STXBP5L: variants seen among roughly 807,000 people sequenced by gnomAD.
The protein encoded by STXBP5L is syntaxin binding protein 5L.
A neutral mutation model predicts 144.5 loss-of-function variants in STXBP5L; 65 were observed. The observed-to-expected ratio is 0.45, with a 90% CI of 0.37 to 0.55. The LOEUF is 0.55. Among genes scored for constraint, STXBP5L ranks in the 20% least tolerant of loss-of-function variants. The pLI is 0.00. For missense variants in STXBP5L, 1,298 were observed against 1,405.5 expected (o/e 0.92, Z 1.22); for synonymous variants, 505 against 469.6 (o/e 1.08, Z -0.97).
intron 3 of STXBP5L, among the ~76,000 whole-genome samples, chr3:120,985,750 A>G (rs1942229933): frequency 6.6e-6 from 1 of 151,930 alleles, no homozygotes. Flanking sequence ...TTATTTCTGT[A>G]TAATGAGTAG....
chr3:121,263,509 A>G (rs1192506560), intron 18 of STXBP5L, among the ~76,000 whole-genome samples: 1 of 152,172 alleles, frequency 6.6e-6, no homozygotes, highest in Non-Finnish European at 1.5e-5. Flanking sequence ...AAGGCAGGTA[A>G]TAACAAACTC....
At chr3:120,969,085 A>AT (rs1939937383) in intron 3 of STXBP5L, among the ~76,000 whole-genome samples, 1 of 151,964 alleles carries the variant, frequency 6.6e-6, no homozygotes, top group Admixed American at 6.6e-5. Context: ...TCAAATGGTA[A>AT]TTTTACTTGT....
intron 5 of STXBP5L, among the ~76,000 whole-genome samples, chr3:121,091,772 T>C (rs1036945844): frequency 1.3e-5 from 2 of 152,206 alleles, no homozygotes; most frequent in Non-Finnish European, 2.9e-5. Context: ...AGAAGCTCTT[T>C]AGTTTAATTA....
intron 5 of STXBP5L, among the ~76,000 whole-genome samples, chr3:121,051,729 C>A (rs1948015512): frequency 6.6e-6 from 1 of 152,020 alleles, no homozygotes. Flanking sequence ...CAAGAAATAA[C>A]TAAAATCAGA....
intron 16 of STXBP5L, among the ~76,000 whole-genome samples, chr3:121,256,366 A>G (rs1394576753): frequency 3.9e-5 from 6 of 152,010 alleles, no homozygotes; most frequent in Non-Finnish European, 8.8e-5. Context: ...AAAAATGCTC[A>G]TTTTTACATT....
At position 121,062,857 on chromosome 3, in the gene STXBP5L, A is replaced by G. The variant is rs191368185; in HGVS notation, c.470+17322A>G. 1.5e-4 allele frequency among the ~76,000 whole-genome samples: 23 copies of G among 152,302 alleles called. No individual in the cohort carries two copies. The East Asian group carries it at 3.7e-3, about 24-fold the overall frequency. ...TCATTCAGTGTTTTTCAGCTCCATC[A>G]GGTCATTTATGTTCTTCTCTAAATT... On this transcript the variant is annotated intron_variant, in intron 5 of 26. Transcript: ENST00000471454.
At chr3:121,068,296 G>A (rs532361224) in intron 5 of STXBP5L, among the ~76,000 whole-genome samples, 11 of 152,328 alleles carry the variant, frequency 7.2e-5, no homozygotes, top group Non-Finnish European at 1.0e-4. Context: ...GTGAGCCAAT[G>A]CACCTGGTGA....
At chr3:121,235,818 C>A (rs1045127460) in intron 12 of STXBP5L, among the ~76,000 whole-genome samples, 6 of 135,584 alleles carry the variant, frequency 4.4e-5, no homozygotes, top group Non-Finnish European at 8.0e-5. Flanking sequence ...CCTGCCAGAA[C>A]ACACACACAC....
intron 3 of STXBP5L, among the ~76,000 whole-genome samples, chr3:120,964,473 C>T (rs1939299835): frequency 6.6e-6 from 1 of 152,108 alleles, no homozygotes; most frequent in Non-Finnish European, 1.5e-5. Context: ...TATGTTGTGT[C>T]TTTGTTCTCA....
intron 5 of STXBP5L, among the ~76,000 whole-genome samples, chr3:121,059,702 G>A (rs1350641807): frequency 6.6e-6 from 1 of 152,116 alleles, no homozygotes; most frequent in Non-Finnish European, 1.5e-5. Flanking sequence ...TCCCTTGTAA[G>A]CTGTATTCCT....
In STXBP5L at chr3:120,965,995, C is replaced by G. The variant is rs562138893; in HGVS notation, c.287+10958C>G. 3.9e-5 allele frequency among the ~76,000 whole-genome samples: 6 copies of G among 152,006 alleles called. No homozygotes were observed. In the South Asian group the frequency reaches 1.2e-3, roughly 32 times the overall value. On this transcript the variant is annotated intron_variant, in intron 3 of 26. Transcript: ENST00000471454. Reference sequence around the variant, plus strand: ...CGTTTCTTTTCACTCTTTTTTTTCTCTAAACTTCTCCTGTGACTTTATTTC... The same window carrying G: ...CGTTTCTTTTCACTCTTTTTTTTCTGTAAACTTCTCCTGTGACTTTATTTC...
chr3:121,163,085 G>C (rs566613706), intron 9 of STXBP5L, among the ~76,000 whole-genome samples: 2 of 152,126 alleles, frequency 1.3e-5, no homozygotes, highest in African/African-American at 4.8e-5. Context: ...ATATCCAAAG[G>C]ATTATAAATC....
chr3:121,099,680 A>G (rs2043314824), intron 5 of STXBP5L: 1 of 153,136 alleles, frequency 6.5e-6, no homozygotes, highest in African/African-American at 2.4e-5. Flanking sequence ...ATTAGTTTGC[A>G]AAAGTCTTCA....
chr3:120,964,710 A>G (rs552785052), intron 3 of STXBP5L, among the ~76,000 whole-genome samples: 1 of 152,298 alleles, frequency 6.6e-6, no homozygotes, highest in African/African-American at 2.4e-5. Context: ...CAATTTTGAA[A>G]CAAGTGTGAT....
chr3:120,936,859 T>C (rs916906970), intron 2 of STXBP5L, among the ~76,000 whole-genome samples: 5 of 152,100 alleles, frequency 3.3e-5, no homozygotes, highest in African/African-American at 4.8e-5. Context: ...TTTTTAAAAG[T>C]TGTTTTCCCC....
At chr3:121,172,270 G>T (rs1577110982) in intron 9 of STXBP5L, among the ~76,000 whole-genome samples, 1 of 152,100 alleles carries the variant, frequency 6.6e-6, no homozygotes, top group Non-Finnish European at 1.5e-5. Context: ...CAGGATGTAG[G>T]CATGGGCAAA....
intron 18 of STXBP5L, among the ~76,000 whole-genome samples, chr3:121,266,795 C>A (rs1045866825): frequency 2.6e-5 from 4 of 152,162 alleles, no homozygotes; most frequent in African/African-American, 9.7e-5. Context: ...GATACAAAAT[C>A]AGTGTGCAAA....
chr3:121,364,927 G>T lies in STXBP5L; in HGVS notation c.2177-13789G>T, dbSNP rs181157860. Among the ~76,000 whole-genome samples the T allele has an allele frequency of 6.6e-5, 10 of 151,848 alleles. No homozygotes were observed. The East Asian group carries it at 1.7e-3, about 26-fold the overall frequency. ...TTGTTGAGTGTTTTTATTATAAAAG[G>T]GTGGTGAGTTTCATCAAATGCTTTT... is the stretch of plus-strand genomic sequence containing the variant. On this transcript the variant is annotated intron_variant, in intron 20 of 26. Transcript: ENST00000471454.
intron 9 of STXBP5L, among the ~76,000 whole-genome samples, chr3:121,197,125 C>T (rs943283872): frequency 4.6e-5 from 7 of 151,756 alleles, no homozygotes; most frequent in African/African-American, 1.5e-4. Flanking sequence ...AAGTATTTTT[C>T]GTTTCTTTCG....
Sources: gnomAD v4.1 joint callset for allele counts (sites outside exome capture counted in the v4.1 genomes callset) on GRCh38, gnomAD v4.1.1 for gene constraint, MANE v1.5 for transcripts, NCBI Gene and HGNC (gene_info 2026-07-23, HGNC 2026-07-21) for gene names.